UNC5C: variants seen among roughly 807,000 people sequenced by gnomAD.
The protein encoded by UNC5C is netrin receptor UNC5C.
Under a neutral mutation model 99.8 loss-of-function variants are expected in UNC5C, and 47 were observed. The ratio of observed to expected loss-of-function variants is 0.47; its 90% CI spans 0.37 to 0.60. UNC5C has a LOEUF of 0.60. UNC5C is among the 20% of genes least tolerant of loss of function. The pLI is 0.00. For missense variants in UNC5C, 1,062 were observed against 1,165.9 expected, an observed-to-expected ratio of 0.91 and a Z score of 1.30; for synonymous variants, 487 against 452.2, an observed-to-expected ratio of 1.08 and a Z score of -0.98.
chr4:95,170,206 G>T lies in UNC5C; in HGVS notation c.2578C>A (p.Gln860Lys), dbSNP rs773288996. The stretch of plus-strand genomic sequence containing the variant: ...ATCCTCCAGTCATGGCCTCTCGTCT[G>T]GGGGGCATCCAGGCTGCTACAGAGC... ...QKLCSSLDAP[Q>K]TRGHDWRMLA... The change falls in exon 15 of 16, where the codon CAG (glutamine) becomes AAG (lysine). Residue 860 changes from glutamine (Q) to lysine (K), a missense_variant. Gln to Lys is a moderately conservative substitution (Grantham distance 53, BLOSUM62 1). This residue lies in a region of UNC5C where 810 missense variants were observed against 854.5 expected (regional missense o/e 0.95). Coordinates refer to ENST00000453304, the MANE Select transcript of UNC5C (RefSeq NM_003728.4). 14 of 1,614,004 alleles carry T rather than the reference G, an allele frequency of 8.7e-6. No individual in the cohort carries two copies. The Middle Eastern group carries it at 1.5e-3, about 171-fold the overall frequency.
rs564828273 is a variant in UNC5C at position 95,375,417 on chromosome 4, A to G, written c.125-39786T>C. On this transcript the variant is annotated intron_variant, in intron 1 of 15. Coordinates refer to ENST00000453304, the MANE Select transcript of UNC5C (RefSeq NM_003728.4). ...ACAATGGATTATTTTAAAGGAGACC[A>G]TTTTCAAGAAATACGTCAGTATTCC... 1.3e-4 allele frequency among the ~76,000 whole-genome samples: 20 copies of G among 152,310 alleles called. 1 individual carries two copies. The highest frequency in any genetic ancestry group is 1.0e-3 in the Admixed American group (16 of 15,292).
chr4:95,446,079 A>G (rs191777128), intron 1 of UNC5C, among the ~76,000 whole-genome samples: 1 of 152,308 alleles, frequency 6.6e-6, no homozygotes, highest in African/African-American at 2.4e-5. Context: ...ACTTTGTCTC[A>G]AGAGAGTGCC....
At chr4:95,425,511 A>G (rs1453959409) in intron 1 of UNC5C, among the ~76,000 whole-genome samples, 1 of 152,110 alleles carries the variant, frequency 6.6e-6, no homozygotes, top group African/African-American at 2.4e-5. Context: ...TTCAGTAGAG[A>G]CAGGGTTTCA....
At chr4:95,479,822 C>A (rs911701563) in intron 1 of UNC5C, among the ~76,000 whole-genome samples, 1 of 151,910 alleles carries the variant, frequency 6.6e-6, no homozygotes, top group African/African-American at 2.4e-5. Context: ...ACTGACATAT[C>A]TGTAAGGGTG....
intron 3 of UNC5C, among the ~76,000 whole-genome samples, chr4:95,290,602 A>G (rs1741406292): frequency 6.6e-6 from 1 of 152,238 alleles, no homozygotes; most frequent in African/African-American, 2.4e-5. Context: ...TGAAGATAAC[A>G]GAACTTACTT....
At chr4:95,177,271 C>T (rs865791035) in intron 14 of UNC5C, among the ~76,000 whole-genome samples, 26 of 152,256 alleles carry the variant, frequency 1.7e-4, no homozygotes, top group Middle Eastern at 6.8e-3. Flanking sequence ...CTTTTTAAAG[C>T]ACGTAACTTG....
At chr4:95,218,402 C>T (rs887173447) in intron 9 of UNC5C, among the ~76,000 whole-genome samples, 2 of 152,086 alleles carry the variant, frequency 1.3e-5, no homozygotes, top group African/African-American at 2.4e-5. Context: ...CAAAAGCACA[C>T]CTGATGAATC....
At chr4:95,382,393 T>C (rs1458362925) in intron 1 of UNC5C, among the ~76,000 whole-genome samples, 2 of 150,638 alleles carry the variant, frequency 1.3e-5, no homozygotes, top group Non-Finnish European at 3.0e-5. Flanking sequence ...AGATCACTTG[T>C]GGCTGCAGTG....
At chr4:95,242,675 C>T in intron 6 of UNC5C, 82 bp from the exon 7 acceptor site, 1 of 1,389,644 alleles carries the variant, frequency 7.2e-7, no homozygotes, top group Non-Finnish European at 9.5e-7. Flanking sequence ...TATAATACAA[C>T]AAAACAAAAC....
intron 7 of UNC5C, among the ~76,000 whole-genome samples, chr4:95,223,486 T>C (rs1339751997): frequency 6.6e-6 from 1 of 152,208 alleles, no homozygotes; most frequent in African/African-American, 2.4e-5. Flanking sequence ...CACTCAGTTC[T>C]TACAAGCTAT....
At chr4:95,292,439 T>A (rs1741511612) in intron 3 of UNC5C, among the ~76,000 whole-genome samples, 1 of 151,898 alleles carries the variant, frequency 6.6e-6, no homozygotes, top group Admixed American at 6.6e-5. Flanking sequence ...AATACAGAAA[T>A]GTCAATTCAT....
intron 12 of UNC5C, 47 bp from the exon 13 acceptor site, chr4:95,185,243 A>G (rs199674145): frequency 6.5e-7 from 1 of 1,545,974 alleles, no homozygotes; most frequent in African/African-American, 1.4e-5. Flanking sequence ...GATTTGGATC[A>G]CTTCTGTCAG....
rs545316418 is a variant in UNC5C at position 95,409,823 on chromosome 4, C to A, written c.125-74192G>T. ...ACTTGTTTGAGGATCTGCTCTGCTC[C>A]ATTCCTCACCTGTCACAAGAGGCTA... On this transcript the variant is annotated intron_variant, in intron 1 of 15. Coordinates refer to ENST00000453304, the MANE Select transcript of UNC5C (RefSeq NM_003728.4). 1.5e-4 allele frequency among the ~76,000 whole-genome samples: 23 copies of A among 152,276 alleles called. 1 individual carries two copies. Among genetic ancestry groups the A allele is most frequent in the Admixed American group, 1.1e-3 (17 of 15,292 alleles).
At chr4:95,180,008 C>CT (rs1179406355) in intron 14 of UNC5C, among the ~76,000 whole-genome samples, 1 of 151,234 alleles carries the variant, frequency 6.6e-6, no homozygotes, top group Non-Finnish European at 1.5e-5. Context: ...ATGACAGACC[C>CT]CCCCCACGGA....
At position 95,329,700 on chromosome 4, in the gene UNC5C, A is replaced by C. The variant is rs555486803; in HGVS notation, c.346+5710T>G. Among the ~76,000 whole-genome samples, 19 of 152,324 alleles carry C rather than the reference A, an allele frequency of 1.2e-4. No individual in the cohort carries two copies. In the East Asian group the frequency reaches 2.7e-3, roughly 22 times the overall value. On this transcript the variant is annotated intron_variant, in intron 2 of 15. Coordinates refer to ENST00000453304, the MANE Select transcript of UNC5C (RefSeq NM_003728.4). ...TAGTTTAGGAGATATTTATGTATTT[A>C]TAAAATTAGCCCTTTGGCTAATATA... is the stretch of plus-strand genomic sequence containing the variant.
At chr4:95,333,516 A>G (rs908435860) in intron 2 of UNC5C, among the ~76,000 whole-genome samples, 10 of 147,726 alleles carry the variant, frequency 6.8e-5, no homozygotes, top group Non-Finnish European at 1.0e-4. Flanking sequence ...GTGGGAATTG[A>G]ACAATGAGAA....
chr4:95,479,062 T>C (rs563855183), intron 1 of UNC5C, among the ~76,000 whole-genome samples: 22 of 151,958 alleles, frequency 1.4e-4, no homozygotes, highest in Non-Finnish European at 2.6e-4. Flanking sequence ...TCCAGAACCA[T>C]GAGCCAAATA....
intron 1 of UNC5C, among the ~76,000 whole-genome samples, chr4:95,427,984 A>T (rs1426400563): frequency 6.6e-6 from 1 of 151,988 alleles, no homozygotes; most frequent in Non-Finnish European, 1.5e-5. Context: ...TGAAATTTGT[A>T]TTCATGACTA....
At chr4:95,179,701 C>T (rs931624481) in intron 14 of UNC5C, among the ~76,000 whole-genome samples, 1 of 141,706 alleles carries the variant, frequency 7.1e-6, no homozygotes, top group Non-Finnish European at 1.5e-5. Context: ...GAGCTGAAGT[C>T]GTGCCACTGC....
Sources: allele counts gnomAD v4.1 joint callset (sites outside exome capture counted in the v4.1 genomes callset), GRCh38; gene constraint gnomAD v4.1.1; regional missense constraint gnomAD v4.1.1; transcripts MANE v1.5; gene names NCBI Gene and HGNC (gene_info 2026-07-23, HGNC 2026-07-21).